The following HDAC9 variants were observed in gnomAD, a reference collection of about 807,000 sequenced individuals.
The protein encoded by HDAC9 is histone deacetylase 9, also known as MEF-2 interacting transcription repressor (MITR) protein.
Under a neutral mutation model 139.4 loss-of-function variants are expected in HDAC9, and 41 were observed. The observed-to-expected ratio is 0.29, with a 90% confidence interval of 0.23 to 0.38. The LOEUF is 0.38. Ranked by LOEUF, HDAC9 falls within the 10% of genes least tolerant of loss-of-function variation. The pLI, the probability that HDAC9 is intolerant of heterozygous loss-of-function variation, is 1.00. For synonymous variants in HDAC9, 517 were observed against 476.2 expected (o/e 1.09, Z -1.12); for missense variants, 1,147 against 1,297.0 (o/e 0.88, Z 1.78).
At chr7:18,488,051 A>T (rs1796101499) in intron 1 of HDAC9, among the ~76,000 whole-genome samples, 1 of 152,070 alleles carries the variant, frequency 6.6e-6, no homozygotes. Context: ...GAATAAAATA[A>T]ACTTTTGATT....
intron 22 of HDAC9, among the ~76,000 whole-genome samples, chr7:18,888,449 G>A (rs919443746): frequency 1.3e-5 from 2 of 152,084 alleles, no homozygotes; most frequent in Non-Finnish European, 2.9e-5. Flanking sequence ...AATAAGAAAT[G>A]AGCTTTCACT....
At chr7:18,634,937 G>C in intron 8 of HDAC9, among the ~76,000 whole-genome samples, 195 bp downstream of exon 8, 1 of 151,964 alleles carries the variant, frequency 6.6e-6, no homozygotes, top group South Asian at 2.1e-4. Context: ...AAACCTATAA[G>C]AAATGAACTG....
rs148180525 is a variant in HDAC9, at chr7:18,358,700, A to G, written c.-42+68185A>G. ...GTGCCATAGGTTATTCCTTCTCTAT[A>G]TCACTTAGTACTTAAGAACACAAAA... is the stretch of plus-strand genomic sequence containing the variant. On this transcript the variant is annotated intron_variant, in intron 1 of 3. Coordinates refer to the HDAC9 transcript ENST00000413509. 5.9e-5 allele frequency among the ~76,000 whole-genome samples: 9 copies of G among 152,314 alleles called. No individual in the cohort carries two copies. In the East Asian group the frequency reaches 1.5e-3, roughly 26 times the overall value.
intron 14 of HDAC9, among the ~76,000 whole-genome samples, chr7:18,755,032 T>C (rs1038712444): frequency 6.6e-6 from 1 of 152,002 alleles, no homozygotes; most frequent in African/African-American, 2.4e-5. Flanking sequence ...TTTTGCTTAG[T>C]TTGCAAAAAA....
intron 12 of HDAC9, among the ~76,000 whole-genome samples, chr7:18,688,077 A>C (rs1782404237): frequency 6.6e-6 from 1 of 151,742 alleles, no homozygotes; most frequent in African/African-American, 2.4e-5. Flanking sequence ...CTATATATAC[A>C]CACACACACT....
chr7:18,096,626 A>C lies in HDAC9; in HGVS notation c.-97+9413A>C, dbSNP rs1782518581. ...TGTTGTGTGTCATTAATGAAATTGT[A>C]AGCTCCTTGAGGTGAGACTATATGC... On this transcript the variant is annotated intron_variant, in intron 1 of 12. Coordinates refer to the HDAC9 transcript ENST00000417496. Among the ~76,000 whole-genome samples, 3 of 152,328 alleles carry C rather than the reference A, an allele frequency of 2.0e-5. No individual in the cohort carries two copies. The South Asian group carries it at 6.2e-4, about 32-fold the overall frequency.
intron 22 of HDAC9, among the ~76,000 whole-genome samples, chr7:18,920,107 G>A (rs1803563870): frequency 6.6e-6 from 1 of 152,014 alleles, no homozygotes; most frequent in African/African-American, 2.4e-5. Flanking sequence ...ATTTTCACAA[G>A]ATTGATTCTT....
At chr7:18,624,013 A>G (rs1840959915) in intron 6 of HDAC9, among the ~76,000 whole-genome samples, 1 of 152,154 alleles carries the variant, frequency 6.6e-6, no homozygotes, top group African/African-American at 2.4e-5. Flanking sequence ...TCTACACAAG[A>G]TAGTTTGTGT....
intron 2 of HDAC9, among the ~76,000 whole-genome samples, chr7:18,544,455 G>A (rs1814080433): frequency 1.3e-5 from 2 of 152,218 alleles, no homozygotes; most frequent in Admixed American, 1.3e-4. Context: ...TGGAGATGTT[G>A]AAGGGACAGT....
At chr7:18,781,388 T>C (rs1318287090) in intron 16 of HDAC9, among the ~76,000 whole-genome samples, 1 of 152,040 alleles carries the variant, frequency 6.6e-6, no homozygotes, top group Non-Finnish European at 1.5e-5. Context: ...TCTTTACAGT[T>C]CAGTTTACTC....
At chr7:18,708,975 A>G (rs1483286431) in intron 12 of HDAC9, among the ~76,000 whole-genome samples, 1 of 152,140 alleles carries the variant, frequency 6.6e-6, no homozygotes, top group Non-Finnish European at 1.5e-5. Flanking sequence ...ACATACATAT[A>G]TATATTCATA....
intron 12 of HDAC9, among the ~76,000 whole-genome samples, chr7:18,674,933 A>G (rs913665392): frequency 2.6e-5 from 4 of 152,024 alleles, no homozygotes; most frequent in Non-Finnish European, 5.9e-5. Context: ...ATATTTGTAT[A>G]TGAATTATTG....
At chr7:18,699,771 G>A (rs1231771048) in intron 12 of HDAC9, among the ~76,000 whole-genome samples, 2 of 151,922 alleles carry the variant, frequency 1.3e-5, no homozygotes, top group Non-Finnish European at 2.9e-5. Flanking sequence ...TATTTTATAT[G>A]CATTTTAATA....
rs190864421 is a variant in HDAC9, at chr7:18,590,679, G to A, written c.415+193G>A. ...GCTCACATCATTGAGTCTGCAGAGCGTCTCAAGAAGCAAACGTAACATTAT... is the reference window on the plus strand; with the variant it reads ...GCTCACATCATTGAGTCTGCAGAGCATCTCAAGAAGCAAACGTAACATTAT... On this transcript the variant is annotated intron_variant, in intron 4 of 25. Coordinates refer to ENST00000686413, the MANE Select transcript of HDAC9 (RefSeq NM_178425.4). 5.4e-3 allele frequency among the ~76,000 whole-genome samples: 820 copies of A among 152,266 alleles called. 8 individuals carry two copies. The highest frequency in any genetic ancestry group is 0.019 in the African/African-American group (794 of 41,544).
At chr7:18,428,268 C>T (rs893965796) in intron 1 of HDAC9, among the ~76,000 whole-genome samples, 5 of 151,964 alleles carry the variant, frequency 3.3e-5, no homozygotes, top group East Asian at 1.9e-4. Context: ...TTTGTATTTC[C>T]ACTAACAGTG....
intron 1 of HDAC9, among the ~76,000 whole-genome samples, chr7:18,433,691 A>G (rs74951858): frequency 0.042 from 6,377 of 152,056 alleles, 204 homozygotes; most frequent in African/African-American, 0.092. Flanking sequence ...ACACCTCCCC[A>G]CCCCAGGAAT....
chr7:18,356,318 G>A (rs1388223970), intron 1 of HDAC9, among the ~76,000 whole-genome samples: 1 of 139,486 alleles, frequency 7.2e-6, no homozygotes, highest in Non-Finnish European at 1.5e-5. Context: ...TTAATAGGTG[G>A]CGCCATTATT....
intron 6 of HDAC9, among the ~76,000 whole-genome samples, chr7:18,610,520 A>C (rs1400171981): frequency 6.6e-6 from 1 of 152,206 alleles, no homozygotes; most frequent in Non-Finnish European, 1.5e-5. Context: ...CGGACAGCTT[A>C]TCTCACTTGC....
rs1415773160 is a variant in HDAC9, at chr7:18,422,742, G to GCACACA, written c.-41-73519_-41-73518insACACAC. Among the ~76,000 whole-genome samples the GCACACA allele has an allele frequency of 6.4e-3, 873 of 136,200 alleles. 8 individuals are homozygous for GCACACA. The highest frequency in any genetic ancestry group is 0.023 in the African/African-American group (768 of 33,650). The allele number at this position is 136,200 out of a possible 152,430, so 89.4% of individuals were successfully genotyped here. A position where few individuals can be genotyped will look rare whatever the true frequency, so the allele number is the denominator to read the frequency against. The stretch of plus-strand genomic sequence containing the variant: ...GTCATTAGCTTTAAGACACACACAC[G>GCACACA]CGCACACACACACACACACACACAC... On this transcript the variant is annotated intron_variant, in intron 1 of 3. Transcript: ENST00000413509.
Sources: gnomAD v4.1 joint callset for allele counts (sites outside exome capture counted in the v4.1 genomes callset) on GRCh38, gnomAD v4.1.1 for gene constraint, MANE v1.5 for transcripts, NCBI Gene and HGNC (gene_info 2026-07-23, HGNC 2026-07-21) for gene names.